Variants in EPHA6 observed in about 807,000 individuals in gnomAD.
EPHA6 encodes ephrin type-A receptor 6.
EPHA6 carries 50 observed loss-of-function variants against 112.0 expected under a neutral mutation model. That is an observed-to-expected ratio of 0.45 (90% CI 0.36 to 0.56). The LOEUF is 0.56. EPHA6 is among the 20% of genes least tolerant of loss of function. EPHA6 has a pLI of 0.00. For synonymous variants in EPHA6, 529 were observed against 490.7 expected, an observed-to-expected ratio of 1.08 and a Z score of -1.03; for missense variants, 1,280 against 1,417.4, an observed-to-expected ratio of 0.90 and a Z score of 1.56.
rs118134954 is a variant in EPHA6 at position 97,709,882 on chromosome 3, A to C, written c.2785-10379A>C. Among the ~76,000 whole-genome samples the C allele has an allele frequency of 1.6e-4, 24 of 152,154 alleles. No individual in the cohort carries two copies. In the East Asian group the frequency reaches 4.5e-3, roughly 28 times the overall value. ...GACATGCCTTGCTTCCCCCTCACCT[A>C]CCGCTATAATTGTTAAGTTTCCTGA... On this transcript the variant is annotated intron_variant, in intron 14 of 17. Transcript: ENST00000389672.
chr3:97,014,818 A>G (rs2044210973), intron 3 of EPHA6, among the ~76,000 whole-genome samples: 1 of 152,202 alleles, frequency 6.6e-6, no homozygotes, highest in Non-Finnish European at 1.5e-5. Flanking sequence ...AATTTTCCTT[A>G]ACATAACAAT....
chr3:97,576,867 T>G (rs2093392038), intron 11 of EPHA6, among the ~76,000 whole-genome samples: 1 of 152,128 alleles, frequency 6.6e-6, no homozygotes, highest in African/African-American at 2.4e-5. Context: ...AAAGGTACAA[T>G]GAACAAGATA....
chr3:97,044,801 T>C (rs2045445963), intron 3 of EPHA6, among the ~76,000 whole-genome samples: 1 of 152,092 alleles, frequency 6.6e-6, no homozygotes, highest in Non-Finnish European at 1.5e-5. Flanking sequence ...TACATTAGAA[T>C]ACAGAGATAT....
chr3:97,060,923 CAAAAAAA>C (rs71623565), intron 3 of EPHA6, among the ~76,000 whole-genome samples: 3 of 21,224 alleles, frequency 1.4e-4, no homozygotes, highest in Admixed American at 5.1e-4. Flanking sequence ...GACTCCGTCT[CAAAAAAA>C]AAAAAAAAAA....
intron 14 of EPHA6, among the ~76,000 whole-genome samples, chr3:97,669,174 T>C (rs994676583): frequency 2.6e-5 from 4 of 151,902 alleles, no homozygotes; most frequent in African/African-American, 9.7e-5. Context: ...ACAGGCATCA[T>C]AGCATTGTAG....
chr3:97,278,930 A>T (rs2080192711), intron 5 of EPHA6, among the ~76,000 whole-genome samples: 1 of 152,218 alleles, frequency 6.6e-6, no homozygotes, highest in African/African-American at 2.4e-5. Flanking sequence ...ATACGATTGA[A>T]ACAGGGCAGG....
At chr3:97,641,278 A>C (rs1013803977) in intron 14 of EPHA6, among the ~76,000 whole-genome samples, 1 of 152,326 alleles carries the variant, frequency 6.6e-6, no homozygotes, top group Admixed American at 6.5e-5. Flanking sequence ...AGAGCATTCT[A>C]TGAATGTACT....
intron 11 of EPHA6, among the ~76,000 whole-genome samples, chr3:97,583,929 G>T (rs759654018): frequency 1.3e-5 from 2 of 152,086 alleles, no homozygotes. Context: ...AAGTTCACTC[G>T]ACCCTTCCAT....
intron 2 of EPHA6, among the ~76,000 whole-genome samples, chr3:96,912,266 A>G (rs1049901261): frequency 2.0e-5 from 3 of 152,186 alleles, no homozygotes; most frequent in African/African-American, 7.2e-5. Flanking sequence ...TAGCCAACGT[A>G]GAAAGTCCTG....
chr3:97,010,538 A>G (rs894010578), intron 3 of EPHA6, among the ~76,000 whole-genome samples: 1 of 152,208 alleles, frequency 6.6e-6, no homozygotes, highest in Non-Finnish European at 1.5e-5. Context: ...TTTTAGCCAT[A>G]TATTAGTGGG....
At chr3:97,624,616 G>C (rs1170884127) in intron 13 of EPHA6, among the ~76,000 whole-genome samples, 1 of 151,514 alleles carries the variant, frequency 6.6e-6, no homozygotes, top group Admixed American at 6.6e-5. Context: ...GAAGTTTGAG[G>C]AGGATTTGTG....
intron 12 of EPHA6, among the ~76,000 whole-genome samples, chr3:97,594,142 T>A (rs1392537671): frequency 2.0e-5 from 3 of 152,224 alleles, no homozygotes; most frequent in Non-Finnish European, 4.4e-5. Context: ...CCCTTAACTC[T>A]TAATGACAAA....
intron 3 of EPHA6, among the ~76,000 whole-genome samples, chr3:97,032,792 ACCTATTGC>A (rs2044919603): frequency 6.6e-6 from 1 of 151,964 alleles, no homozygotes; most frequent in Admixed American, 6.6e-5. Flanking sequence ...CCCAGACCTT[ACCTATTGC>A]CCTAAGCCTA....
intron 5 of EPHA6, among the ~76,000 whole-genome samples, chr3:97,263,995 C>G (rs981782043): frequency 5.3e-5 from 8 of 152,176 alleles, no homozygotes; most frequent in Middle Eastern, 3.4e-3. Flanking sequence ...TTATGCGTCC[C>G]CCTAGAATCT....
chr3:96,954,807 G>A (rs1434746531), intron 2 of EPHA6, among the ~76,000 whole-genome samples: 1 of 70,798 alleles, frequency 1.4e-5, no homozygotes, highest in African/African-American at 6.0e-5. Context: ...TTTTTTTTGA[G>A]ACGGAGTCTC....
intron 5 of EPHA6, among the ~76,000 whole-genome samples, chr3:97,377,325 C>T (rs537002301): frequency 1.9e-4 from 29 of 152,218 alleles, no homozygotes; most frequent in Admixed American, 3.9e-4. Context: ...AAGTGCCTTT[C>T]GCCTCCCACC....
chr3:97,389,795 T>G (rs1174639246), intron 5 of EPHA6, among the ~76,000 whole-genome samples: 1 of 152,290 alleles, frequency 6.6e-6, no homozygotes, highest in Non-Finnish European at 1.5e-5. Flanking sequence ...TCCTATTAAC[T>G]TATGCAATAA....
intron 14 of EPHA6, 144 bp downstream of exon 14, chr3:97,638,226 A>G (rs2093967494): frequency 7.6e-6 from 5 of 655,870 alleles, no homozygotes; most frequent in Non-Finnish European, 1.3e-5. Flanking sequence ...ATTGAGAAGT[A>G]TTTGCTTTGA....
intron 5 of EPHA6, among the ~76,000 whole-genome samples, chr3:97,338,114 C>T (rs963049837): frequency 1.3e-5 from 2 of 151,244 alleles, no homozygotes; most frequent in Non-Finnish European, 3.0e-5. Flanking sequence ...GTGTGTTTTC[C>T]ACAAACAAGT....
Sources: allele counts gnomAD v4.1 joint callset (sites outside exome capture counted in the v4.1 genomes callset), GRCh38; gene constraint gnomAD v4.1.1; transcripts MANE v1.5; gene names NCBI Gene and HGNC (gene_info 2026-07-23, HGNC 2026-07-21).